Variants in IL23R observed in about 807,000 individuals in gnomAD.
The protein encoded by IL23R is interleukin-23 receptor.
Under a neutral mutation model 56.9 loss-of-function variants are expected in IL23R, and 34 were observed. The ratio of observed to expected loss-of-function variants is 0.60; its 90% CI spans 0.45 to 0.80. IL23R has a LOEUF of 0.80. Ranked by LOEUF, IL23R falls within the 30% of genes least tolerant of loss-of-function variation. The probability of loss-of-function intolerance (pLI) is 0.00; values close to 1 mark genes in which losing one functional copy is unlikely to be tolerated. For synonymous variants in IL23R, 230 were observed against 249.2 expected (o/e 0.92, Z 0.73); for missense variants, 635 against 730.0 (o/e 0.87, Z 1.50).
intron 9 of IL23R, among the ~76,000 whole-genome samples, chr1:67,241,780 G>A (rs1651869617): frequency 6.6e-6 from 1 of 152,146 alleles, no homozygotes; most frequent in Middle Eastern, 3.2e-3. Context: ...ATAATACTAA[G>A]AGTTTGGGTT....
intron 1 of IL23R, among the ~76,000 whole-genome samples, chr1:67,155,029 T>C (rs1047784630): frequency 6.6e-6 from 1 of 152,236 alleles, no homozygotes; most frequent in Non-Finnish European, 1.5e-5. Context: ...GAAATGATTT[T>C]ATTTCCCCTT....
chr1:67,220,730 G>A (rs1038578565), intron 7 of IL23R, among the ~76,000 whole-genome samples: 5 of 152,100 alleles, frequency 3.3e-5, no homozygotes, highest in African/African-American at 1.2e-4. Context: ...AATTACCCAG[G>A]CATGGTGGCC....
chr1:67,141,214 C>T (rs1167394823), intron 1 of IL23R, among the ~76,000 whole-genome samples: 1 of 152,034 alleles, frequency 6.6e-6, no homozygotes, highest in Non-Finnish European at 1.5e-5. Context: ...ATAAAACATC[C>T]TCAAAAGATA....
chr1:67,147,108 C>T (rs1646686635), intron 1 of IL23R, among the ~76,000 whole-genome samples: 1 of 151,808 alleles, frequency 6.6e-6, no homozygotes, highest in African/African-American at 2.4e-5. Context: ...GGTTGTAATC[C>T]TGGGCTTCCA....
intron 6 of IL23R, among the ~76,000 whole-genome samples, chr1:67,210,855 A>C (rs1476372576): frequency 6.6e-6 from 1 of 152,202 alleles, no homozygotes; most frequent in Non-Finnish European, 1.5e-5. Flanking sequence ...TGTATTTAAC[A>C]CTAAAATACA....
chr1:67,202,427 G>A (rs1648706258), intron 5 of IL23R, among the ~76,000 whole-genome samples: 1 of 152,028 alleles, frequency 6.6e-6, no homozygotes, highest in Non-Finnish European at 1.5e-5. Flanking sequence ...TAGTAGAGAT[G>A]GGATTTTGCT....
At chr1:67,145,649 C>T (rs991924968) in intron 1 of IL23R, among the ~76,000 whole-genome samples, 1 of 151,880 alleles carries the variant, frequency 6.6e-6, no homozygotes, top group Non-Finnish European at 1.5e-5. Context: ...ATTTGTTGAC[C>T]GAATTAATGA....
chr1:67,222,454 G>C (rs528306737), intron 7 of IL23R, among the ~76,000 whole-genome samples: 19 of 152,258 alleles, frequency 1.2e-4, no homozygotes, highest in African/African-American at 4.3e-4. Flanking sequence ...TTTTTTAAAA[G>C]TTAGTTTTTA....
At chr1:67,208,568 A>G (rs1378474095) in intron 6 of IL23R, among the ~76,000 whole-genome samples, 1 of 152,234 alleles carries the variant, frequency 6.6e-6, no homozygotes, top group Non-Finnish European at 1.5e-5. Context: ...GGAAGCCCCA[A>G]GCTTTGACAG....
At chr1:67,162,281 C>A (rs963251141), upstream of IL23R, among the ~76,000 whole-genome samples, 1 of 151,816 alleles carries the variant, frequency 6.6e-6, no homozygotes, top group Non-Finnish European at 1.5e-5. Context: ...CTGGCTAACA[C>A]GGTGAAACCC....
intron 6 of IL23R, among the ~76,000 whole-genome samples, chr1:67,212,493 A>G (rs1649542553): frequency 6.6e-6 from 1 of 151,724 alleles, no homozygotes; most frequent in Non-Finnish European, 1.5e-5. Context: ...GGCCAAGAGC[A>G]CAGGCTCTAG....
chr1:67,197,207 G>A (rs1199137934), intron 4 of IL23R, among the ~76,000 whole-genome samples: 1 of 152,176 alleles, frequency 6.6e-6, no homozygotes, highest in East Asian at 1.9e-4. Context: ...CAGAAGACAG[G>A]CTTTGGGTAG....
intron 1 of IL23R, among the ~76,000 whole-genome samples, chr1:67,150,242 T>A (rs1412066456): frequency 7.2e-6 from 1 of 138,834 alleles, no homozygotes; most frequent in African/African-American, 2.6e-5. Context: ...TAACAGGCAT[T>A]TCGAACTTTT....
At chr1:67,146,462 C>T (rs983473066) in intron 1 of IL23R, among the ~76,000 whole-genome samples, 1 of 152,108 alleles carries the variant, frequency 6.6e-6, no homozygotes, top group African/African-American at 2.4e-5. Flanking sequence ...TAATATTTAC[C>T]CATATTTTTA....
intron 4 of IL23R, among the ~76,000 whole-genome samples, chr1:67,197,333 G>T (rs897844131): frequency 6.6e-6 from 1 of 152,118 alleles, no homozygotes; most frequent in Non-Finnish European, 1.5e-5. Flanking sequence ...AAAAGTAAAG[G>T]CAAAGATCAC....
chr1:67,188,072 A>C (rs1339917434), intron 4 of IL23R, among the ~76,000 whole-genome samples: 2 of 152,188 alleles, frequency 1.3e-5, no homozygotes, highest in Non-Finnish European at 2.9e-5. Flanking sequence ...AAAATAAAAG[A>C]AAAATAAAAA....
At position 67,258,531 on chromosome 1, in the gene IL23R, T is replaced by A. The variant is rs199885679; in HGVS notation, c.1293T>A (p.Asp431Glu). 17 of 1,606,848 alleles carry A rather than the reference T, an allele frequency of 1.1e-5. No individual in the cohort carries two copies. Among genetic ancestry groups the A allele is most frequent in the Non-Finnish European group, 4.2e-6 (5 of 1,176,578 alleles). Residue 431 changes from aspartate (D) to glutamate (E), a missense_variant, in exon 11 of 11, where the codon GAT becomes GAA. Coordinates refer to ENST00000347310, the MANE Select transcript of IL23R (RefSeq NM_144701.3). ...CCAGTGAGCAGGTCCTATATGTTGA[T>A]CCCATGATTACAGAGATAAAAGAAA... ...NNSSEQVLYV[D>E]PMITEIKEIF...
chr1:67,174,423 A>G (rs1646983083), intron 3 of IL23R, among the ~76,000 whole-genome samples: 1 of 151,872 alleles, frequency 6.6e-6, no homozygotes, highest in Non-Finnish European at 1.5e-5. Context: ...TTATTGTTCT[A>G]CAAGCAATAT....
At chr1:67,181,487 G>A (rs560776972) in intron 3 of IL23R, among the ~76,000 whole-genome samples, 4 of 152,234 alleles carry the variant, frequency 2.6e-5, no homozygotes, top group Admixed American at 2.6e-4. Flanking sequence ...GCTCCATCAG[G>A]TCCTTTAAGG....
Sources: allele counts gnomAD v4.1 joint callset (sites outside exome capture counted in the v4.1 genomes callset), GRCh38; gene constraint gnomAD v4.1.1; transcripts MANE v1.5; gene names NCBI Gene and HGNC (gene_info 2026-07-23, HGNC 2026-07-21).